The following MEGF10 variants were observed in gnomAD, a reference collection of about 807,000 sequenced individuals.
MEGF10 encodes the protein multiple EGF like domains 10, also known as multiple epidermal growth factor-like domains protein 10.
MEGF10 carries 86 observed loss-of-function variants against 147.5 expected under a neutral mutation model. The ratio of observed to expected loss-of-function variants is 0.58; its 90% CI spans 0.49 to 0.70. MEGF10 has a LOEUF of 0.70. Among genes scored for constraint, MEGF10 ranks in the 30% least tolerant of loss-of-function variants. The pLI is 0.00. For synonymous variants in MEGF10, 478 were observed against 525.5 expected (o/e 0.91, Z 1.24); for missense variants, 1,329 against 1,487.3 (o/e 0.89, Z 1.75).
chr5:127,443,283 TA>T (rs753271105), intron 19 of MEGF10, among the ~76,000 whole-genome samples, 157 bp downstream of exon 19: 2 of 152,224 alleles, frequency 1.3e-5, no homozygotes, highest in East Asian at 3.8e-4. Flanking sequence ...ATGAATGCCT[TA>T]TTGTTGCTGT....
At chr5:127,345,121 GTTTATGTGCAA>G (rs1561583961) in intron 4 of MEGF10, among the ~76,000 whole-genome samples, 2 of 152,200 alleles carry the variant, frequency 1.3e-5, no homozygotes, top group Non-Finnish European at 2.9e-5. Flanking sequence ...CTCATTTCAT[GTTTATGTGCAA>G]TAGAAGCAGC....
At chr5:127,386,514 A>G (rs1763441155) in intron 5 of MEGF10, among the ~76,000 whole-genome samples, 1 of 152,230 alleles carries the variant, frequency 6.6e-6, no homozygotes, top group Non-Finnish European at 1.5e-5. Context: ...CAAGTAGGAA[A>G]TGTCTAAACT....
the MEGF10 span, among the ~76,000 whole-genome samples, chr5:127,265,077 A>G: frequency 1.1e-3 from 171 of 151,956 alleles, 2 homozygotes; most frequent in South Asian, 0.018. Flanking sequence ...CTTCCCCCTC[A>G]CCACAACAGG....
In MEGF10 at chr5:127,421,088, C is replaced by A. The variant is rs374718854; in HGVS notation, c.1590+881C>A. ...ATGGATATCCCATGGACAGAGCTGT[C>A]AGCTTTGCTGCCTCTCATCACTCTA... On this transcript the variant is annotated intron_variant, in intron 12 of 24. Transcript: ENST00000503335. Among the ~76,000 whole-genome samples the A allele has an allele frequency of 1.7e-3, 263 of 152,334 alleles. 8 individuals carry two copies. In the South Asian group the frequency reaches 0.052, roughly 30 times the overall value.
At chr5:127,277,813 C>T in the MEGF10 span, among the ~76,000 whole-genome samples, 1 of 152,104 alleles carries the variant, frequency 6.6e-6, no homozygotes, top group African/African-American at 2.4e-5. Flanking sequence ...TCAAGGATGA[C>T]ACCAAGGTTT....
intron 4 of MEGF10, among the ~76,000 whole-genome samples, chr5:127,367,369 G>A (rs1203420343): frequency 6.6e-6 from 1 of 152,152 alleles, no homozygotes; most frequent in Non-Finnish European, 1.5e-5. Context: ...CCAGCTTTTT[G>A]AGTACCCAGA....
At chr5:127,428,756 A>C (rs1357066020) in intron 13 of MEGF10, among the ~76,000 whole-genome samples, 1 of 152,246 alleles carries the variant, frequency 6.6e-6, no homozygotes, top group Non-Finnish European at 1.5e-5. Context: ...AAGGAATATA[A>C]GCAATTAAGT....
At chr5:127,358,141 G>T (rs1169715609) in intron 4 of MEGF10, among the ~76,000 whole-genome samples, 1 of 152,132 alleles carries the variant, frequency 6.6e-6, no homozygotes, top group African/African-American at 2.4e-5. Flanking sequence ...GAAATGCAAA[G>T]GTTCCTGACA....
intron 13 of MEGF10, among the ~76,000 whole-genome samples, chr5:127,431,955 G>GA (rs901772595): frequency 3.3e-5 from 5 of 149,468 alleles, no homozygotes; most frequent in East Asian, 3.9e-4. Context: ...AAAGAGATTT[G>GA]AAAAAAAAAT....
At chr5:127,267,322 G>C in the MEGF10 span, among the ~76,000 whole-genome samples, 1 of 152,252 alleles carries the variant, frequency 6.6e-6, no homozygotes, top group South Asian at 2.1e-4. Context: ...GATTCATTTT[G>C]CCAGTATTTT....
chr5:127,281,355 T>C, the MEGF10 span, among the ~76,000 whole-genome samples: 2 of 152,064 alleles, frequency 1.3e-5, no homozygotes, highest in Non-Finnish European at 2.9e-5. Context: ...ATTTGATTTC[T>C]CCTACATTGT....
At chr5:127,420,304 A>C in intron 12 of MEGF10, 97 bp downstream of exon 12, 2 of 1,368,930 alleles carry the variant, frequency 1.5e-6, no homozygotes, top group Non-Finnish European at 9.9e-7. Context: ...CAAGTGGCTC[A>C]CTGTGAACCC....
At chr5:127,370,103 C>T in intron 5 of MEGF10, 101 bp downstream of exon 5, 1 of 813,788 alleles carries the variant, frequency 1.2e-6, no homozygotes. Flanking sequence ...TTCATCCCTA[C>T]ACAGAGCATA....
intron 16 of MEGF10, 91 bp downstream of exon 16, chr5:127,435,580 C>G (rs1032484370): frequency 1.6e-6 from 2 of 1,249,928 alleles, no homozygotes; most frequent in Non-Finnish European, 2.2e-6. Flanking sequence ...TTTATATAAT[C>G]AAGAAAGAAT....
At chr5:127,314,323 AAGT>A (rs1394093331) in intron 1 of MEGF10, among the ~76,000 whole-genome samples, 1 of 152,138 alleles carries the variant, frequency 6.6e-6, no homozygotes, top group Non-Finnish European at 1.5e-5. Context: ...ATGGGGAGAG[AAGT>A]AGAAGTCAGG....
At chr5:127,307,144 T>C (rs1312131123) in intron 1 of MEGF10, among the ~76,000 whole-genome samples, 1 of 152,092 alleles carries the variant, frequency 6.6e-6, no homozygotes, top group African/African-American at 2.4e-5. Flanking sequence ...TAACCCAGAA[T>C]ACTAAAAAAA....
At chr5:127,418,913 T>C (rs1415542267) in intron 10 of MEGF10, among the ~76,000 whole-genome samples, 1 of 152,216 alleles carries the variant, frequency 6.6e-6, no homozygotes, top group African/African-American at 2.4e-5. Context: ...CATTTAATAA[T>C]ATATCCTAAA....
the MEGF10 span, among the ~76,000 whole-genome samples, chr5:127,284,638 C>G: frequency 2.6e-4 from 39 of 152,140 alleles, no homozygotes; most frequent in East Asian, 3.5e-3. Context: ...ACCTGTAAAG[C>G]AGGAATAATT....
chr5:127,262,622 T>C, the MEGF10 span, among the ~76,000 whole-genome samples: 2 of 152,144 alleles, frequency 1.3e-5, no homozygotes, highest in African/African-American at 2.4e-5. Context: ...AGGATCAATT[T>C]ATCACCCTCA....
Sources: gnomAD v4.1 joint callset for allele counts (sites outside exome capture counted in the v4.1 genomes callset) on GRCh38, gnomAD v4.1.1 for gene constraint, MANE v1.5 for transcripts, NCBI Gene and HGNC (gene_info 2026-07-23, HGNC 2026-07-21) for gene names.